Variants in TENM2 observed in about 807,000 individuals in gnomAD.
The protein encoded by TENM2 is teneurin-2.
TENM2 carries 52 observed loss-of-function variants against 245.2 expected under a neutral mutation model. The observed-to-expected ratio is 0.21, with a 90% CI of 0.17 to 0.27. TENM2 has a LOEUF of 0.27. Among genes scored for constraint, TENM2 ranks in the 10% least tolerant of loss-of-function variants. The pLI is 1.00. For missense variants in TENM2, 3,046 were observed against 3,666.8 expected, an observed-to-expected ratio of 0.83 and a Z score of 4.37; for synonymous variants, 1,363 against 1,438.9, an observed-to-expected ratio of 0.95 and a Z score of 1.19.
At chr5:167,138,854 C>G in the TENM2 span, among the ~76,000 whole-genome samples, 1 of 152,114 alleles carries the variant, frequency 6.6e-6, no homozygotes, top group Non-Finnish European at 1.5e-5. Context: ...AACTCCTGAC[C>G]TTAGGTGATC....
intron 12 of TENM2, among the ~76,000 whole-genome samples, chr5:168,155,886 C>A (rs1757109338): frequency 8.8e-6 from 1 of 113,492 alleles, no homozygotes; most frequent in Non-Finnish European, 1.7e-5. Context: ...ATACCTCTGG[C>A]ATCTGTAAAA....
intron 25 of TENM2, 97 bp downstream of exon 27, chr5:168,228,227 G>C (rs1327997413): frequency 1.0e-6 from 1 of 981,906 alleles, no homozygotes; most frequent in Non-Finnish European, 1.6e-6. Context: ...CAGAGTGGGA[G>C]GGGATATACA....
the TENM2 span, among the ~76,000 whole-genome samples, chr5:166,999,440 G>A: frequency 6.6e-6 from 1 of 152,182 alleles, no homozygotes; most frequent in Non-Finnish European, 1.5e-5. Flanking sequence ...AGATTGTCTG[G>A]TGGCAGATCA....
chr5:167,976,110 C>T (rs1782424702), intron 4 of TENM2, among the ~76,000 whole-genome samples: 1 of 152,154 alleles, frequency 6.6e-6, no homozygotes, highest in Non-Finnish European at 1.5e-5. Context: ...AATTTTTACA[C>T]CATTTATATA....
intron 23 of TENM2, 37 bp from the exon 26 acceptor site, chr5:168,226,051 C>G: frequency 6.3e-7 from 1 of 1,586,064 alleles, no homozygotes; most frequent in Non-Finnish European, 8.6e-7. Context: ...ATGACTGCTG[C>G]TAACCAGGGT....
chr5:167,840,525 C>T (rs1009759299), intron 2 of TENM2, among the ~76,000 whole-genome samples: 1 of 152,044 alleles, frequency 6.6e-6, no homozygotes. Context: ...AGCACCTAAC[C>T]GCGTCTCCCC....
chr5:167,819,066 G>T (rs1428083668), intron 2 of TENM2, among the ~76,000 whole-genome samples: 2 of 151,994 alleles, frequency 1.3e-5, no homozygotes, highest in Non-Finnish European at 2.9e-5. Context: ...GACTGTGTGT[G>T]TGTGTGTGTG....
chr5:168,109,605 G>A (rs10043193), intron 9 of TENM2, among the ~76,000 whole-genome samples: 33,850 of 152,162 alleles, frequency 0.22, 4,053 homozygotes, highest in African/African-American at 0.25. Flanking sequence ...CAGTAGGTCT[G>A]GGGTACTAGC....
intron 3 of TENM2, among the ~76,000 whole-genome samples, chr5:167,911,750 C>T (rs1776574075): frequency 6.6e-6 from 1 of 152,174 alleles, no homozygotes; most frequent in South Asian, 2.1e-4. Context: ...GTGTGCCAGG[C>T]AGTGTCCTTG....
chr5:167,263,695 C>G, the TENM2 span, among the ~76,000 whole-genome samples: 2 of 151,876 alleles, frequency 1.3e-5, 1 homozygote, highest in Admixed American at 1.3e-4. Context: ...ATCATAAACA[C>G]TAGGCAATTC....
intron 2 of TENM2, among the ~76,000 whole-genome samples, chr5:167,859,510 G>A: frequency 4.5e-5 from 5 of 110,296 alleles, no homozygotes; most frequent in African/African-American, 1.1e-4. Flanking sequence ...GGGAGATGGG[G>A]GGGTCAGCCC....
intron 4 of TENM2, among the ~76,000 whole-genome samples, chr5:167,989,847 T>C (rs781284727): frequency 6.6e-5 from 10 of 152,114 alleles, no homozygotes; most frequent in Non-Finnish European, 1.5e-4. Flanking sequence ...TAGTCTGAGT[T>C]TGGTTGTGAC....
intron 2 of TENM2, among the ~76,000 whole-genome samples, chr5:167,703,530 C>CAAAAAAAAAAAA (rs747603141): frequency 2.7e-4 from 26 of 97,166 alleles, no homozygotes; most frequent in African/African-American, 8.4e-4. Context: ...GAAACCATCT[C>CAAAAAAAAAAAA]AAAAAAAAAA....
intron 4 of TENM2, among the ~76,000 whole-genome samples, chr5:167,968,500 C>A (rs774396745): frequency 6.6e-6 from 1 of 152,152 alleles, no homozygotes; most frequent in African/African-American, 2.4e-5. Flanking sequence ...GCTTCAATTG[C>A]GAACCAGCAT....
chr5:168,125,750 G>GA (rs113081119), intron 11 of TENM2, among the ~76,000 whole-genome samples: 2,110 of 141,112 alleles, frequency 0.015, 35 homozygotes, highest in African/African-American at 0.048. Context: ...ATTCCAAAAA[G>GA]AAAAAAAAAA....
At chr5:168,174,423 G>A (rs1303874338) in intron 13 of TENM2, among the ~76,000 whole-genome samples, 1 of 152,184 alleles carries the variant, frequency 6.6e-6, no homozygotes, top group Non-Finnish European at 1.5e-5. Context: ...GCTTAGATGA[G>A]TTAATGGATG....
At position 167,867,153 on chromosome 5, in the gene TENM2, C is replaced by A. The variant is rs79436088; in HGVS notation, c.503-8833C>A. On this transcript the variant is annotated intron_variant, in intron 2 of 28. Transcript: ENST00000518659. ...CTTTTGGAAAACAGGTGTGTCACTG[C>A]AGGTAAGGTGGGTTTGTGTCTTTGC... is the stretch of plus-strand genomic sequence containing the variant. 6.1e-3 allele frequency among the ~76,000 whole-genome samples: 922 copies of A among 152,256 alleles called. 6 individuals carry two copies. The highest frequency in any genetic ancestry group is 0.021 in the African/African-American group (893 of 41,552).
intron 2 of TENM2, among the ~76,000 whole-genome samples, chr5:167,480,291 C>T (rs1046118377): frequency 1.3e-5 from 2 of 152,154 alleles, no homozygotes; most frequent in Admixed American, 6.5e-5. Flanking sequence ...GTTACACAAA[C>T]GGCTGCCTGG....
At chr5:167,601,162 C>G (rs1776605940) in intron 2 of TENM2, among the ~76,000 whole-genome samples, 1 of 152,208 alleles carries the variant, frequency 6.6e-6, no homozygotes, top group African/African-American at 2.4e-5. Context: ...AATTTGCATG[C>G]TACTGGTACT....
Sources: allele counts gnomAD v4.1 joint callset (sites outside exome capture counted in the v4.1 genomes callset), GRCh38; gene constraint gnomAD v4.1.1; transcripts MANE v1.5; gene names NCBI Gene and HGNC (gene_info 2026-07-23, HGNC 2026-07-21).